PHKA1: variants seen among roughly 807,000 people sequenced by gnomAD.
The protein encoded by PHKA1 is phosphorylase kinase regulatory subunit alpha 1.
In PHKA1, 60 loss-of-function variants were observed where a neutral mutation model predicts 110.2. That is an observed-to-expected ratio of 0.54 (90% CI 0.44 to 0.68). PHKA1 has a LOEUF of 0.68. Among genes scored for constraint, PHKA1 ranks in the 30% least tolerant of loss-of-function variants. The pLI is 0.00. For missense variants in PHKA1, 801 were observed against 942.5 expected, an observed-to-expected ratio of 0.85 and a Z score of 1.97; for synonymous variants, 316 against 333.6, an observed-to-expected ratio of 0.95 and a Z score of 0.58.
At chrX:72,655,856 G>A (rs996653142) in intron 10 of PHKA1, among the ~76,000 whole-genome samples, 35 of 112,133 alleles carry the variant, frequency 3.1e-4, no homozygotes, top group African/African-American at 1.0e-3. Flanking sequence ...TCCTGACCTC[G>A]TGATCCGCCC....
intron 14 of PHKA1, among the ~76,000 whole-genome samples, chrX:72,638,100 G>A (rs950322421): frequency 1.8e-5 from 2 of 111,350 alleles, no homozygotes; most frequent in African/African-American, 6.5e-5. Flanking sequence ...CTATAAGTTT[G>A]CTGAATTTGT....
At position 72,647,794 on chromosome X, in the gene PHKA1, G is replaced by C. The variant is rs185503002; in HGVS notation, c.1324+2596C>G. On this transcript the variant is annotated intron_variant, in intron 13 of 31. Transcript: ENST00000373542. ...CAGAAAGAAATATTTATATAAGCAA[G>C]AGCAGTGGGCTAAGGACAGAATTCT... Among the ~76,000 whole-genome samples the C allele has an allele frequency of 1.8e-4, 20 of 111,449 alleles. No individual in the cohort carries two copies. In the Admixed American group the frequency reaches 1.8e-3, roughly 10 times the overall value.
chrX:72,602,414 G>A (rs2052670228), intron 26 of PHKA1, 141 bp from the exon 27 acceptor site: 5 of 480,381 alleles, frequency 1.0e-5, no homozygotes, highest in African/African-American at 2.4e-5. Flanking sequence ...TTGAAATGTG[G>A]TCCATGGACC....
intron 21 of PHKA1, among the ~76,000 whole-genome samples, chrX:72,612,293 G>T (rs1392334450): frequency 9.0e-6 from 1 of 111,447 alleles, no homozygotes; most frequent in East Asian, 2.8e-4. Flanking sequence ...CAGACAGAAT[G>T]TAGATTAGTG....
chrX:72,666,274 G>A lies in PHKA1; in HGVS notation c.741C>T (p.Pro247=), dbSNP rs1315806088. 1 of 1,209,060 alleles carries A rather than the reference G, an allele frequency of 8.3e-7. No individual in the cohort carries two copies. The highest frequency in any genetic ancestry group is 1.1e-6 in the Non-Finnish European group (1 of 893,393). The change falls in exon 8 of 32, where the codon CCC becomes CCT. Residue 247 remains proline (P), a synonymous_variant. Transcript: ENST00000373542. ...HCQSILNSLL[P]RASTSKEVDA... is the part of the protein sequence containing the mutation. ...CAACCTCTTTTGATGTTGAAGCACG[G>A]GGCAGTAGTGAATTTAGGATAGACT...
Position 72,705,191 on chromosome X carries a change from A to G in PHKA1, c.285+7T>C, listed in dbSNP as rs782541247. The G allele has an allele frequency of 4.3e-6, 5 of 1,163,864 alleles. No homozygotes were observed. The Admixed American group carries it at 6.6e-5, about 15-fold the overall frequency. ...TATTAGAGAGGAAGGTGTTATCAAT[A>G]CCATACCTGTCTGATCATGCAGTGC... On this transcript the variant is annotated splice_region_variant and intron_variant, in intron 3 of 31. Transcript: ENST00000373542.
Position 72,695,688 on chromosome X carries a change from A to G in PHKA1, c.454+20T>C. 8.3e-7 allele frequency: 1 copy of G among 1,207,623 alleles called. No homozygotes were observed. Among genetic ancestry groups the G allele is most frequent in the African/African-American group, 1.7e-5 (1 of 57,754 alleles). On this transcript the variant is annotated intron_variant, in intron 4 of 31. Coordinates refer to ENST00000373542, the MANE Select transcript of PHKA1 (RefSeq NM_002637.4). The stretch of plus-strand genomic sequence containing the variant: ...GACTCCATGCTCAGGGGCTCCCAGC[A>G]CTTCTCTCCTTGTACTGACCTGAGG...
intron 3 of PHKA1, among the ~76,000 whole-genome samples, chrX:72,696,205 TTGAG>T (rs2054108418): frequency 8.9e-6 from 1 of 112,138 alleles, no homozygotes; most frequent in African/African-American, 3.2e-5. Context: ...TTCAGAGTGC[TTGAG>T]TGAGAACAGC....
intron 21 of PHKA1, among the ~76,000 whole-genome samples, chrX:72,611,566 A>G (rs1306507751): frequency 4.5e-5 from 5 of 112,329 alleles, no homozygotes; most frequent in Admixed American, 1.9e-4. Flanking sequence ...TCCCTTATAT[A>G]TAAAGAACTC....
intron 28 of PHKA1, among the ~76,000 whole-genome samples, chrX:72,597,520 A>C (rs782707852): frequency 8.1e-5 from 9 of 110,806 alleles, no homozygotes; most frequent in African/African-American, 2.3e-4. Flanking sequence ...ACTCTTTTAA[A>C]TTTTTTTTAA....
chrX:72,590,617 C>A lies in PHKA1; in HGVS notation c.3243+2487G>T, dbSNP rs782723877. On this transcript the variant is annotated intron_variant, in intron 29 of 31. Coordinates refer to ENST00000373542, the MANE Select transcript of PHKA1 (RefSeq NM_002637.4). ...AGCAGAGGAAACTACCATCAGAGTG[C>A]ACAGGCAACCTACAGAATGGGAGAA... 1.6e-4 allele frequency among the ~76,000 whole-genome samples: 18 copies of A among 112,022 alleles called. No homozygotes were observed. In the East Asian group the frequency reaches 3.1e-3, roughly 19 times the overall value.
chrX:72,630,294 G>GGGGA (rs1244907908), intron 16 of PHKA1, among the ~76,000 whole-genome samples: 1 of 102,131 alleles, frequency 9.8e-6, no homozygotes, highest in East Asian at 2.9e-4. Context: ...AGCGGGGGTG[G>GGGGA]GGGAGAGAGA....
At chrX:72,624,132 G>A (rs1359029827) in intron 17 of PHKA1, among the ~76,000 whole-genome samples, 1 of 112,014 alleles carries the variant, frequency 8.9e-6, no homozygotes, top group Non-Finnish European at 1.9e-5. Context: ...CTTTAACCAA[G>A]TGATCAAGGT....
At position 72,620,769 on chromosome X, in the gene PHKA1, T is replaced by A. The variant is rs368443920; in HGVS notation, c.2093A>T (p.Asp698Val). The A allele has an allele frequency of 4.1e-6, 5 of 1,208,134 alleles. No individual in the cohort carries two copies. The African/African-American group carries it at 8.8e-5, about 21-fold the overall frequency. The change falls in exon 19 of 32, where the codon GAC becomes GTC. Residue 698 changes from aspartate (D) to valine (V), a missense_variant. By Grantham distance (152) the Asp-to-Val change is radical. Coordinates refer to ENST00000373542, the MANE Select transcript of PHKA1 (RefSeq NM_002637.4). ...GGCCTTGGTCACCAAGGACATTAAG[T>A]CGCAGGTTGTTTGCACAGCAGCTTG... ...RFQAAVQTTCDLMSLVTKAKE... is the reference protein window; with the variant it reads ...RFQAAVQTTCVLMSLVTKAKE...
At chrX:72,599,549 T>C (rs1205629817) in intron 28 of PHKA1, among the ~76,000 whole-genome samples, 1 of 111,940 alleles carries the variant, frequency 8.9e-6, no homozygotes, top group Non-Finnish European at 1.9e-5. Context: ...TCTGTGTACT[T>C]AGGGTGGGAC....
At chrX:72,623,069 T>G in intron 18 of PHKA1, 40 bp downstream of exon 18, 1 of 1,208,919 alleles carries the variant, frequency 8.3e-7, no homozygotes, top group Non-Finnish European at 1.1e-6. Context: ...TATTTTGTAG[T>G]TTTGTCCAGC....
At chrX:72,599,720 ATT>A (rs376497544) in intron 28 of PHKA1, 28 of 367,456 alleles carry the variant, frequency 7.6e-5, no homozygotes, top group Non-Finnish European at 8.8e-5. Flanking sequence ...TTCTTGATTA[ATT>A]TTTTTTTTAA....
intron 4 of PHKA1, among the ~76,000 whole-genome samples, chrX:72,694,200 T>C (rs2054077911): frequency 8.9e-6 from 1 of 112,163 alleles, no homozygotes; most frequent in Admixed American, 9.5e-5. Context: ...ATCTCACATA[T>C]GCCCTTTCAT....
intron 10 of PHKA1, among the ~76,000 whole-genome samples, chrX:72,655,062 G>C (rs1376096273): frequency 9.0e-6 from 1 of 110,562 alleles, no homozygotes; most frequent in Non-Finnish European, 1.9e-5. Context: ...CTCCCAAAGT[G>C]CTGGGATTAC....
Sources: allele counts gnomAD v4.1 joint callset (sites outside exome capture counted in the v4.1 genomes callset), GRCh38; gene constraint gnomAD v4.1.1; transcripts MANE v1.5; gene names NCBI Gene and HGNC (gene_info 2026-07-23, HGNC 2026-07-21).